The following PRDM5 variants were observed in gnomAD, a reference collection of about 807,000 sequenced individuals.
PRDM5 encodes the protein PR/SET domain 5.
PRDM5 carries 56 observed loss-of-function variants against 81.2 expected under a neutral mutation model. The observed-to-expected ratio is 0.69, with a 90% CI of 0.56 to 0.86. The LOEUF (loss-of-function observed/expected upper bound fraction) is 0.86. Among genes scored for constraint, PRDM5 ranks in the 40% least tolerant of loss-of-function variants. The probability of loss-of-function intolerance (pLI) is 0.00; values close to 1 mark genes in which losing one functional copy is unlikely to be tolerated. For missense variants in PRDM5, 697 were observed against 770.1 expected (o/e 0.91, Z 1.12); for synonymous variants, 267 against 256.4 (o/e 1.04, Z -0.39).
intron 3 of PRDM5, among the ~76,000 whole-genome samples, chr4:120,844,416 C>T (rs72680423): frequency 0.096 from 14,622 of 152,254 alleles, 906 homozygotes; most frequent in South Asian, 0.2. Flanking sequence ...ATTTCTCCAA[C>T]ACCATGTGCT....
intron 15 of PRDM5, among the ~76,000 whole-genome samples, chr4:120,699,313 C>T (rs970844716): frequency 6.6e-6 from 1 of 150,754 alleles, no homozygotes; most frequent in East Asian, 1.9e-4. Flanking sequence ...ATTAACTCTG[C>T]TTTCTTTTTG....
At chr4:120,751,686 T>C (rs1744032889) in intron 14 of PRDM5, among the ~76,000 whole-genome samples, 1 of 152,184 alleles carries the variant, frequency 6.6e-6, no homozygotes, top group Non-Finnish European at 1.5e-5. Context: ...GGTCTCTCCA[T>C]GAAAGGTCAA....
At chr4:120,802,016 T>A (rs1443744032) in intron 8 of PRDM5, among the ~76,000 whole-genome samples, 1 of 152,180 alleles carries the variant, frequency 6.6e-6, no homozygotes, top group African/African-American at 2.4e-5. Flanking sequence ...AAATTATTCA[T>A]CCACATATAA....
chr4:120,791,234 A>G (rs1456106972), intron 10 of PRDM5, among the ~76,000 whole-genome samples: 2 of 152,186 alleles, frequency 1.3e-5, no homozygotes, highest in South Asian at 2.1e-4. Context: ...GTTTTATATA[A>G]AAGGATGTTC....
intron 12 of PRDM5, among the ~76,000 whole-genome samples, chr4:120,778,209 TGTTATCATCTAG>T (rs2149229851): frequency 6.6e-6 from 1 of 152,272 alleles, no homozygotes; most frequent in Admixed American, 6.5e-5. Flanking sequence ...AAAGTATTAA[TGTTATCATCTAG>T]GTTACAATCA....
At chr4:120,915,131 C>G (rs947096235) in intron 1 of PRDM5, among the ~76,000 whole-genome samples, 2 of 151,984 alleles carry the variant, frequency 1.3e-5, no homozygotes, top group African/African-American at 4.8e-5. Flanking sequence ...CACTTGTACC[C>G]CTAAAGCTAT....
intron 14 of PRDM5, among the ~76,000 whole-genome samples, chr4:120,745,478 G>C (rs1377601737): frequency 1.3e-5 from 2 of 150,750 alleles, no homozygotes; most frequent in African/African-American, 2.5e-5. Context: ...ATTAGGAAAA[G>C]AGGAAGTCAA....
chr4:120,722,491 T>C (rs1174070743), intron 14 of PRDM5, among the ~76,000 whole-genome samples: 1 of 151,826 alleles, frequency 6.6e-6, no homozygotes, highest in Non-Finnish European at 1.5e-5. Flanking sequence ...GCCAAAAGAG[T>C]GACCCTTGAT....
intron 14 of PRDM5, among the ~76,000 whole-genome samples, chr4:120,713,787 C>T (rs932936623): frequency 3.3e-5 from 5 of 152,128 alleles, no homozygotes; most frequent in African/African-American, 1.2e-4. Context: ...AAATACCATA[C>T]ACTGGGTCAC....
At chr4:120,773,447 G>T (rs532786050) in intron 13 of PRDM5, among the ~76,000 whole-genome samples, 5 of 152,136 alleles carry the variant, frequency 3.3e-5, no homozygotes, top group South Asian at 2.1e-4. Flanking sequence ...AAGATAAAAC[G>T]TTCTTCCTCT....
At chr4:120,815,641 A>G (rs1419305262) in intron 7 of PRDM5, among the ~76,000 whole-genome samples, 3 of 152,232 alleles carry the variant, frequency 2.0e-5, no homozygotes, top group Admixed American at 2.0e-4. Flanking sequence ...TTTCCCCCAC[A>G]TCCAGAGACA....
intron 13 of PRDM5, among the ~76,000 whole-genome samples, chr4:120,774,447 C>T (rs766034712): frequency 2.4e-4 from 37 of 152,198 alleles, no homozygotes; most frequent in Non-Finnish European, 5.1e-4. Flanking sequence ...TCAAAACATT[C>T]GGAGCTCCGC....
At chr4:120,853,703 A>T (rs890043827) in intron 2 of PRDM5, among the ~76,000 whole-genome samples, 163 bp from the exon 3 acceptor site, 1 of 152,224 alleles carries the variant, frequency 6.6e-6, no homozygotes, top group African/African-American at 2.4e-5. Flanking sequence ...AAACACATGT[A>T]GAAATACAGC....
At chr4:120,713,050 T>A (rs1737234429) in intron 14 of PRDM5, among the ~76,000 whole-genome samples, 1 of 152,176 alleles carries the variant, frequency 6.6e-6, no homozygotes, top group African/African-American at 2.4e-5. Flanking sequence ...AATAAACCAT[T>A]TTATACTCCA....
At chr4:120,810,868 A>G (rs751245846) in intron 8 of PRDM5, among the ~76,000 whole-genome samples, 2 of 152,228 alleles carry the variant, frequency 1.3e-5, no homozygotes, top group Non-Finnish European at 2.9e-5. Flanking sequence ...ACATGTTATA[A>G]GTTAAACCCA....
intron 15 of PRDM5, among the ~76,000 whole-genome samples, chr4:120,699,161 A>AATATAAATATAAATATAAATAT: frequency 1.4e-5 from 1 of 73,484 alleles, no homozygotes; most frequent in East Asian, 6.3e-4. Context: ...AGGAAATATA[A>AATATAAATATAAATATAAATAT]ATATATATAT....
chr4:120,749,147 A>G (rs1480701902), intron 14 of PRDM5, among the ~76,000 whole-genome samples: 1 of 152,174 alleles, frequency 6.6e-6, no homozygotes, highest in Non-Finnish European at 1.5e-5. Flanking sequence ...TTTTAAGCTT[A>G]AGGTCATGAA....
intron 7 of PRDM5, among the ~76,000 whole-genome samples, chr4:120,814,632 C>G (rs1754254931): frequency 6.6e-6 from 1 of 152,212 alleles, no homozygotes; most frequent in African/African-American, 2.4e-5. Flanking sequence ...TCAAAGATCT[C>G]TTTCTTTGAG....
chr4:120,916,870 C>T lies in PRDM5; in HGVS notation c.93+5646G>A, dbSNP rs1235950548. On this transcript the variant is annotated intron_variant, in intron 1 of 15. Transcript: ENST00000264808. ...CTGTTACCCCACACTACCAAAGTAG[C>T]CACTATCTTGGTCTAAACTGCTATC... Among the ~76,000 whole-genome samples, 18 of 152,316 alleles carry T rather than the reference C, an allele frequency of 1.2e-4. No individual in the cohort carries two copies. In the East Asian group the frequency reaches 3.5e-3, roughly 29 times the overall value.
Sources: gnomAD v4.1 joint callset for allele counts (sites outside exome capture counted in the v4.1 genomes callset) on GRCh38, gnomAD v4.1.1 for gene constraint, MANE v1.5 for transcripts, NCBI Gene and HGNC (gene_info 2026-07-23, HGNC 2026-07-21) for gene names.